Variants in CATSPERD observed in about 807,000 individuals in gnomAD.
CATSPERD encodes catsper channel auxiliary subunit delta.
CATSPERD carries 86 observed loss-of-function variants against 98.1 expected under a neutral mutation model. The ratio of observed to expected loss-of-function variants is 0.88; its 90% CI spans 0.74 to 1.05. The LOEUF is 1.05. CATSPERD is among the 50% of genes least tolerant of loss of function. The pLI is 0.00. For synonymous variants in CATSPERD, 394 were observed against 390.2 expected (o/e 1.01, Z -0.12); for missense variants, 995 against 1,005.7 (o/e 0.99, Z 0.14).
chr19:5,734,026 AG>A, intron 5 of CATSPERD, 56 bp downstream of exon 5: 1 of 1,031,904 alleles, frequency 9.7e-7, no homozygotes, highest in Non-Finnish European at 1.5e-6. Context: ...ATGAGAGAAG[AG>A]GGTATTAGTG....
At chr19:5,770,918 C>T (rs2056631330) in intron 18 of CATSPERD, 26 bp from the exon 19 acceptor site, 2 of 1,587,028 alleles carry the variant, frequency 1.3e-6, no homozygotes, top group Non-Finnish European at 1.7e-6. Flanking sequence ...ACAGACTCCC[C>T]ATCTCTGCTT....
chr19:5,722,478 C>T (rs1181273407), intron 1 of CATSPERD, among the ~76,000 whole-genome samples: 1 of 152,160 alleles, frequency 6.6e-6, no homozygotes, highest in Non-Finnish European at 1.5e-5. Context: ...ACACACTTGC[C>T]TAACAACACA....
chr19:5,754,760 G>A (rs1456379155), intron 13 of CATSPERD, among the ~76,000 whole-genome samples: 1 of 151,878 alleles, frequency 6.6e-6, no homozygotes, highest in Non-Finnish European at 1.5e-5. Context: ...GGCTGTGGCT[G>A]TCCAGCTGGC....
chr19:5,753,927 G>A (rs1021120870), intron 12 of CATSPERD, among the ~76,000 whole-genome samples: 1 of 152,026 alleles, frequency 6.6e-6, no homozygotes. Context: ...CAGGGTTGGG[G>A]AATACTTCTG....
rs146743330 is a variant in CATSPERD at position 5,743,683 on chromosome 19, C to CCT, written c.574-721_574-720dup. Among the ~76,000 whole-genome samples the CCT allele has an allele frequency of 2.5e-3, 361 of 144,060 alleles. 1 individual carries two copies. Among genetic ancestry groups the CCT allele is most frequent in the African/African-American group, 4.3e-3 (164 of 38,284 alleles). The allele number at this position is 144,060 out of a possible 152,430, so 94.5% of individuals were successfully genotyped here. ...CTCTCTCTTCCTCTCTCTCTCTCTTCCTCTCTCTCTCTCTCTCTCTCTCTG... is the reference window on the plus strand; with the variant it reads ...CTCTCTCTTCCTCTCTCTCTCTCTTCCTCTCTCTCTCTCTCTCTCTCTCTCTG... On this transcript the variant is annotated intron_variant, in intron 7 of 21. Transcript: ENST00000381624.
intron 4 of CATSPERD, among the ~76,000 whole-genome samples, chr19:5,731,580 T>C: frequency 7.7e-6 from 1 of 129,672 alleles, no homozygotes; most frequent in Non-Finnish European, 1.6e-5. Context: ...TTTTTTTTTT[T>C]TTTTTTGAGA....
At chr19:5,772,486 C>G (rs1472275933) in intron 19 of CATSPERD, 1 of 313,414 alleles carries the variant, frequency 3.2e-6, no homozygotes, top group Non-Finnish European at 6.0e-6. Context: ...TTCAGCCTCC[C>G]AAAGTGCTGA....
chr19:5,753,091 C>T (rs1568359984), intron 12 of CATSPERD, among the ~76,000 whole-genome samples: 1 of 151,212 alleles, frequency 6.6e-6, no homozygotes, highest in African/African-American at 2.4e-5. Flanking sequence ...CCAGGTTGGT[C>T]TCAAACCCCT....
Position 5,733,965 on chromosome 19 carries a change from CT to C in CATSPERD, c.389del (p.Leu130Ter). 6.4e-7 allele frequency: 1 copy of C among 1,571,488 alleles called. No homozygotes were observed. The highest frequency in any genetic ancestry group is 1.4e-5 in the African/African-American group (1 of 73,570). Reference sequence around the variant, plus strand: ...TATGAAAATAATTCTTGGAGCATGTCTTTAGGTATGTACATTTTGTATTTTT... The same window carrying C: ...TATGAAAATAATTCTTGGAGCATGTCTTAGGTATGTACATTTTGTATTTTT... ...YDYENNSWSM[S>X]LGIKHPVTHV... On this transcript the variant is annotated frameshift_variant, in exon 5 of 22. Transcript: ENST00000381624. LOFTEE classifies it high-confidence loss of function.
intron 7 of CATSPERD, 111 bp downstream of exon 7, chr19:5,739,550 G>A (rs1190715939): frequency 4.8e-6 from 3 of 622,852 alleles, no homozygotes; most frequent in Admixed American, 3.2e-5. Flanking sequence ...AGTCCAACTG[G>A]GACAGGAGTG....
intron 11 of CATSPERD, among the ~76,000 whole-genome samples, chr19:5,751,084 G>A (rs749072455): frequency 6.0e-5 from 9 of 149,826 alleles, no homozygotes; most frequent in Non-Finnish European, 8.9e-5. Context: ...ATGGTGGTGC[G>A]ACTGTGATCC....
chr19:5,755,687 C>T (rs1002430551), intron 13 of CATSPERD, among the ~76,000 whole-genome samples: 1 of 151,952 alleles, frequency 6.6e-6, no homozygotes, highest in Non-Finnish European at 1.5e-5. Flanking sequence ...GCAGGAGAAT[C>T]TCTTGAACCC....
At chr19:5,777,685 C>A (rs905870572) in intron 21 of CATSPERD, among the ~76,000 whole-genome samples, 17 of 152,216 alleles carry the variant, frequency 1.1e-4, no homozygotes, top group African/African-American at 4.1e-4. Context: ...GAGTTCGAGA[C>A]AAGCCTGGCC....
chr19:5,766,070 C>G (rs776195868), intron 16 of CATSPERD, 33 bp from the exon 17 acceptor site: 1 of 1,589,684 alleles, frequency 6.3e-7, no homozygotes, highest in Non-Finnish European at 8.6e-7. Context: ...CCTCACTGAC[C>G]TGGGTCCATA....
intron 2 of CATSPERD, among the ~76,000 whole-genome samples, chr19:5,725,866 C>T (rs959979776): frequency 3.3e-5 from 5 of 151,890 alleles, no homozygotes; most frequent in African/African-American, 9.7e-5. Flanking sequence ...TGCCACTGCA[C>T]TCCAGCCTGG....
intron 18 of CATSPERD, among the ~76,000 whole-genome samples, chr19:5,769,078 T>C (rs2145853693): frequency 6.6e-6 from 1 of 150,698 alleles, no homozygotes; most frequent in East Asian, 2.0e-4. Flanking sequence ...TGCTTGAAAC[T>C]GGGAGGCAGA....
chr19:5,778,312 G>C (rs747152657), intron 21 of CATSPERD, 64 bp from the exon 22 acceptor site: 7 of 1,475,680 alleles, frequency 4.7e-6, no homozygotes, highest in Non-Finnish European at 6.5e-6. Flanking sequence ...ACCTTTGCCA[G>C]AGATAAGGCG....
intron 2 of CATSPERD, 114 bp downstream of exon 2, chr19:5,724,976 C>CT: frequency 1.1e-6 from 1 of 920,420 alleles, no homozygotes; most frequent in Non-Finnish European, 1.8e-6. Context: ...AAGATCATTA[C>CT]TTTATTCAGT....
At position 5,733,892 on chromosome 19, in the gene CATSPERD, G is replaced by T. The variant is rs1408382585; in HGVS notation, c.313G>T (p.Gly105Cys). 2.5e-6 allele frequency: 4 copies of T among 1,612,688 alleles called. No homozygotes were observed. The Admixed American group carries it at 5.0e-5, about 20-fold the overall frequency. Residue 105 changes from glycine to cysteine, a missense_variant, in exon 5 of 22, where the codon GGT becomes TGT. Physicochemically the swap from Gly to Cys is radical, Grantham distance 159. Transcript: ENST00000381624. Reference protein sequence around the residue: ...VPEVTSAHFAGSLLLLVVDQK... With the variant: ...VPEVTSAHFACSLLLLVVDQK... The stretch of plus-strand genomic sequence containing the variant: ...AGAAGTGACATCAGCACATTTTGCT[G>T]GTTCGTTATTGCTGTTAGTAGTGGA...
Sources: gnomAD v4.1 joint callset for allele counts (sites outside exome capture counted in the v4.1 genomes callset) on GRCh38, gnomAD v4.1.1 for gene constraint, MANE v1.5 for transcripts, NCBI Gene and HGNC (gene_info 2026-07-23, HGNC 2026-07-21) for gene names.